The following DPP6 variants were observed in gnomAD, a reference collection of about 807,000 sequenced individuals.
The protein encoded by DPP6 is A-type potassium channel modulatory protein DPP6.
DPP6 carries 69 observed loss-of-function variants against 122.6 expected under a neutral mutation model. The ratio of observed to expected loss-of-function variants is 0.56; its 90% CI spans 0.46 to 0.69. The LOEUF is 0.69. Ranked by LOEUF, DPP6 falls within the 30% of genes least tolerant of loss-of-function variation. The pLI, the probability that DPP6 is intolerant of heterozygous loss-of-function variation, is 0.00. For missense variants in DPP6, 928 were observed against 1,116.9 expected (o/e 0.83, Z 2.41); for synonymous variants, 418 against 433.1 (o/e 0.97, Z 0.43).
At chr7:154,171,822 T>C (rs571870871) in intron 1 of DPP6, among the ~76,000 whole-genome samples, 26 of 124,970 alleles carry the variant, frequency 2.1e-4, no homozygotes, top group African/African-American at 7.4e-4. Flanking sequence ...TTATATGATA[T>C]ATATAACCAC....
chr7:154,157,398 T>C (rs3115179), intron 1 of DPP6, among the ~76,000 whole-genome samples: 15 of 151,808 alleles, frequency 9.9e-5, no homozygotes, highest in Admixed American at 2.6e-4. Flanking sequence ...TCCCTGAGAA[T>C]GGGAAGTCAT....
At chr7:154,580,037 T>A (rs1831947116) in intron 5 of DPP6, among the ~76,000 whole-genome samples, 1 of 152,010 alleles carries the variant, frequency 6.6e-6, no homozygotes, top group Non-Finnish European at 1.5e-5. Flanking sequence ...CACCCTTGGT[T>A]TCTGGGCAGG....
intron 5 of DPP6, among the ~76,000 whole-genome samples, chr7:154,574,539 G>T (rs1271211830): frequency 7.2e-6 from 1 of 138,288 alleles, no homozygotes; most frequent in Non-Finnish European, 1.6e-5. Context: ...TGGTGTGTAT[G>T]GTGTGGTGTG....
intron 21 of DPP6, chr7:154,885,275 C>A: frequency 4.5e-6 from 1 of 222,292 alleles, no homozygotes; most frequent in Non-Finnish European, 9.0e-6. Context: ...TGGCCTCACC[C>A]ACAGACAAGG....
At chr7:154,325,896 G>T (rs1050792297) in intron 1 of DPP6, among the ~76,000 whole-genome samples, 1 of 152,062 alleles carries the variant, frequency 6.6e-6, no homozygotes, top group African/African-American at 2.4e-5. Context: ...TTTTTTGGAG[G>T]TTTTGTTGTC....
At chr7:154,231,829 TG>T (rs1262836705) in intron 1 of DPP6, among the ~76,000 whole-genome samples, 3 of 152,200 alleles carry the variant, frequency 2.0e-5, no homozygotes, top group Non-Finnish European at 4.4e-5. Flanking sequence ...TCTGAAAGGT[TG>T]TCAGCAGTGT....
the DPP6 span, among the ~76,000 whole-genome samples, chr7:153,769,387 G>T: frequency 6.6e-6 from 1 of 152,174 alleles, no homozygotes; most frequent in Non-Finnish European, 1.5e-5. Context: ...AGGACCTCCA[G>T]TACTATGTTA....
intron 1 of DPP6, among the ~76,000 whole-genome samples, chr7:154,008,197 G>T (rs1797994084): frequency 6.6e-6 from 1 of 152,122 alleles, no homozygotes; most frequent in Admixed American, 6.5e-5. Flanking sequence ...CAGATTCAGA[G>T]AATTTAAGTG....
the DPP6 span, among the ~76,000 whole-genome samples, chr7:153,802,061 G>T: frequency 1.3e-5 from 2 of 152,170 alleles, no homozygotes; most frequent in African/African-American, 4.8e-5. Flanking sequence ...GTTATGTGGT[G>T]GCAATGCCGA....
At chr7:153,845,526 A>AT in the DPP6 span, among the ~76,000 whole-genome samples, 18 of 151,768 alleles carry the variant, frequency 1.2e-4, no homozygotes, top group East Asian at 1.9e-3. Context: ...ATAAATCTAG[A>AT]TTTTTTTTAC....
At chr7:154,679,611 G>A (rs1175513054) in intron 7 of DPP6, among the ~76,000 whole-genome samples, 5 of 152,196 alleles carry the variant, frequency 3.3e-5, no homozygotes, top group South Asian at 2.1e-4. Context: ...CAAATCCAGC[G>A]AGGGGAGGAA....
intron 16 of DPP6, among the ~76,000 whole-genome samples, chr7:154,844,436 G>C (rs1422620260): frequency 6.6e-6 from 1 of 152,228 alleles, no homozygotes; most frequent in Non-Finnish European, 1.5e-5. Context: ...CATGGGTCTA[G>C]TCTGGCCAAA....
At chr7:153,820,630 A>G in the DPP6 span, among the ~76,000 whole-genome samples, 1 of 152,168 alleles carries the variant, frequency 6.6e-6, no homozygotes, top group East Asian at 1.9e-4. Context: ...TCCAGTAGCT[A>G]GAACGTAGTC....
intron 4 of DPP6, among the ~76,000 whole-genome samples, chr7:154,555,307 T>C (rs1250575107): frequency 6.6e-6 from 1 of 152,118 alleles, no homozygotes; most frequent in Non-Finnish European, 1.5e-5. Flanking sequence ...TGAGTTCATG[T>C]CCTTTGTAGG....
At chr7:154,350,581 C>CT (rs1245718496) in intron 1 of DPP6, among the ~76,000 whole-genome samples, 1 of 152,094 alleles carries the variant, frequency 6.6e-6, no homozygotes, top group African/African-American at 2.4e-5. Flanking sequence ...TGAAGACGGG[C>CT]TGGGGGCCTG....
At position 153,920,561 on chromosome 7, in the gene DPP6, C is replaced by CTTTTTTTTTTTTTTTTTTTTT. The variant is rs1489811189; in HGVS notation, c.51+32828_51+32829insTTTTTTTTTTTTTTTTTTTTT. Among the ~76,000 whole-genome samples the CTTTTTTTTTTTTTTTTTTTTT allele has an allele frequency of 1.6e-4, 10 of 62,474 alleles. 2 individuals are homozygous for CTTTTTTTTTTTTTTTTTTTTT. Among genetic ancestry groups the CTTTTTTTTTTTTTTTTTTTTT allele is most frequent in the Non-Finnish European group, 1.7e-4 (6 of 34,580 alleles). 41.0% of individuals were successfully genotyped at this position (62,474 alleles called of 152,430 possible). A position where few individuals can be genotyped will look rare whatever the true frequency, so the allele number is the denominator to read the frequency against. Reference sequence around the variant, plus strand: ...TAGTCAACCTTTTTCTTTTATCTCTCTCTTTTTTTTTTTTTTTTTGAGATG... The same window carrying CTTTTTTTTTTTTTTTTTTTTT: ...TAGTCAACCTTTTTCTTTTATCTCTCTTTTTTTTTTTTTTTTTTTTTTCTTTTTTTTTTTTTTTTTGAGATG... On this transcript the variant is annotated intron_variant, in intron 1 of 25. Transcript: ENST00000404039.
chr7:154,793,206 TATAG>T (rs1245814195), intron 10 of DPP6, among the ~76,000 whole-genome samples: 1 of 152,186 alleles, frequency 6.6e-6, no homozygotes, highest in Non-Finnish European at 1.5e-5. Context: ...TAGATCTCAT[TATAG>T]ATAGAGAAGG....
In DPP6 at chr7:154,875,946, G is replaced by C. The variant is rs769755446; in HGVS notation, c.1924G>C (p.Glu642Gln). Residue 642 changes from glutamate (E) to glutamine (Q), a missense_variant, in exon 20 of 26, where the codon GAG becomes CAG. Transcript: ENST00000377770. This position sits in a 1 kb window ranked among gnomAD's most constrained non-coding sequence, Gnocchi z 4.5. The part of the protein sequence containing the change: ...PGSQSVAEKF[E>Q]VSWETVMVSS... Reference sequence around the variant, plus strand: ...CAGCCAGAGTGTGGCTGAGAAGTTCGAGGTGAGCTGGGAGACGGTGATGGT... The same window carrying C: ...CAGCCAGAGTGTGGCTGAGAAGTTCCAGGTGAGCTGGGAGACGGTGATGGT... The C allele has an allele frequency of 6.2e-7, 1 of 1,613,392 alleles. No homozygotes were observed. Among genetic ancestry groups the C allele is most frequent in the Non-Finnish European group, 8.5e-7 (1 of 1,179,706 alleles).
At position 154,520,570 on chromosome 7, in the gene DPP6, C is replaced by A. The variant is rs562661939; in HGVS notation, c.458-19962C>A. 5.6e-4 allele frequency among the ~76,000 whole-genome samples: 86 copies of A among 152,352 alleles called. 1 individual carries two copies. Among genetic ancestry groups the A allele is most frequent in the African/African-American group, 2.0e-3 (84 of 41,588 alleles). On this transcript the variant is annotated intron_variant, in intron 3 of 25. Transcript: ENST00000377770. ...TTTGTCACCGTTGTGTTGATGTAATCTTTGGTCAAGTTTCTGTCTCTCAGC... is the reference window on the plus strand; with the variant it reads ...TTTGTCACCGTTGTGTTGATGTAATATTTGGTCAAGTTTCTGTCTCTCAGC...
Sources: allele counts gnomAD v4.1 joint callset (sites outside exome capture counted in the v4.1 genomes callset), GRCh38; gene constraint gnomAD v4.1.1; non-coding constraint Gnocchi (gnomAD v3.1); transcripts MANE v1.5; gene names NCBI Gene and HGNC (gene_info 2026-07-23, HGNC 2026-07-21).